The following PLCB4 variants were observed in gnomAD, a reference collection of about 807,000 sequenced individuals.
The protein encoded by PLCB4 is 1-phosphatidylinositol 4,5-bisphosphate phosphodiesterase beta-4.
PLCB4 carries 77 observed loss-of-function variants against 178.8 expected under a neutral mutation model. The ratio of observed to expected loss-of-function variants is 0.43; its 90% confidence interval spans 0.36 to 0.52. PLCB4 has a LOEUF of 0.52. Ranked by LOEUF, PLCB4 falls within the 20% of genes least tolerant of loss-of-function variation. PLCB4 has a pLI of 0.00. For synonymous variants in PLCB4, 496 were observed against 490.8 expected (o/e 1.01, Z -0.14); for missense variants, 1,024 against 1,453.4 (o/e 0.70, Z 4.80).
At chr20:9,417,636 T>C (rs1208147739) in intron 25 of PLCB4, among the ~76,000 whole-genome samples, 1 of 152,178 alleles carries the variant, frequency 6.6e-6, no homozygotes, top group African/African-American at 2.4e-5. Flanking sequence ...ATCTCTGGAT[T>C]ATTACAAATA....
intron 3 of PLCB4, among the ~76,000 whole-genome samples, chr20:9,263,259 T>C (rs1007933349): frequency 6.6e-6 from 1 of 152,144 alleles, no homozygotes; most frequent in African/African-American, 2.4e-5. Context: ...TGATAATACT[T>C]GTCAAGGAAG....
chr20:9,187,818 A>C (rs2147122045), intron 2 of PLCB4, among the ~76,000 whole-genome samples: 1 of 152,352 alleles, frequency 6.6e-6, no homozygotes, highest in East Asian at 1.9e-4. Context: ...GATTGAAAGA[A>C]GATTCAAGGG....
intron 3 of PLCB4, among the ~76,000 whole-genome samples, chr20:9,275,485 A>C (rs892849090): frequency 1.5e-4 from 23 of 152,032 alleles, no homozygotes; most frequent in Admixed American, 1.3e-3. Context: ...ATCAAATGGG[A>C]CGCTATTATT....
intron 2 of PLCB4, among the ~76,000 whole-genome samples, chr20:9,133,953 A>G (rs2092330715): frequency 6.6e-6 from 1 of 152,192 alleles, no homozygotes; most frequent in African/African-American, 2.4e-5. Flanking sequence ...TGTGAAGACA[A>G]AGCTTTGTGC....
At chr20:9,389,281 A>T (rs1006469640) in intron 15 of PLCB4, among the ~76,000 whole-genome samples, 2 of 152,152 alleles carry the variant, frequency 1.3e-5, no homozygotes. Flanking sequence ...TTTCACTTAC[A>T]TGTTGCTTGA....
chr20:9,181,809 T>C (rs1344092645), intron 2 of PLCB4, among the ~76,000 whole-genome samples: 2 of 152,202 alleles, frequency 1.3e-5, no homozygotes, highest in Non-Finnish European at 2.9e-5. Context: ...GTTCAGTCCC[T>C]AGCAATCTCA....
chr20:9,436,452 A>T (rs139813288), intron 29 of PLCB4, among the ~76,000 whole-genome samples: 312 of 152,318 alleles, frequency 2.0e-3, no homozygotes, highest in African/African-American at 7.3e-3. Flanking sequence ...TCTGGGCTCA[A>T]GCCATCCTTC....
intron 7 of PLCB4, among the ~76,000 whole-genome samples, chr20:9,350,198 C>A (rs546655610): frequency 1.3e-5 from 2 of 151,826 alleles, no homozygotes; most frequent in East Asian, 3.9e-4. Context: ...ACTATGTGTG[C>A]CCCTGAAGCC....
intron 7 of PLCB4, among the ~76,000 whole-genome samples, chr20:9,357,927 A>G (rs953408140): frequency 6.6e-6 from 1 of 152,218 alleles, no homozygotes; most frequent in Non-Finnish European, 1.5e-5. Context: ...TTTTAGACCT[A>G]TGATTCTCAA....
At chr20:9,328,939 A>G (rs1262309751) in intron 4 of PLCB4, among the ~76,000 whole-genome samples, 1 of 152,210 alleles carries the variant, frequency 6.6e-6, no homozygotes, top group Admixed American at 6.5e-5. Context: ...AGAAAGTTTA[A>G]TAAATGAACT....
intron 28 of PLCB4, among the ~76,000 whole-genome samples, chr20:9,430,582 A>T (rs2041327945): frequency 6.6e-6 from 1 of 152,236 alleles, no homozygotes; most frequent in African/African-American, 2.4e-5. Context: ...TGGTAATTCA[A>T]GATAGAGTTA....
At chr20:9,436,073 A>T (rs2041748415) in intron 29 of PLCB4, among the ~76,000 whole-genome samples, 1 of 152,234 alleles carries the variant, frequency 6.6e-6, no homozygotes, top group African/African-American at 2.4e-5. Flanking sequence ...ACTTTCTTTC[A>T]TGAACAAAAT....
At chr20:9,206,299 C>CTTTTTTTTTTTTTTTTTTTT (rs71184138) in intron 2 of PLCB4, among the ~76,000 whole-genome samples, 10 of 96,100 alleles carry the variant, frequency 1.0e-4, no homozygotes, top group Non-Finnish European at 1.4e-4. Context: ...TTTCTTTTTT[C>CTTTTTTTTTTTTTTTTTTTT]TTTTTTTTTT....
chr20:9,410,714 A>G (rs1405621731), intron 24 of PLCB4, among the ~76,000 whole-genome samples: 9 of 152,208 alleles, frequency 5.9e-5, no homozygotes, highest in Non-Finnish European at 1.5e-5. Context: ...CCTGAGACCC[A>G]TCCTCTCCCA....
intron 7 of PLCB4, among the ~76,000 whole-genome samples, chr20:9,343,156 G>T (rs926177538): frequency 1.3e-5 from 2 of 151,952 alleles, no homozygotes; most frequent in Non-Finnish European, 2.9e-5. Context: ...TGAGTTTCTA[G>T]TACAGAACTT....
chr20:9,161,629 T>C (rs2092889214), intron 2 of PLCB4, among the ~76,000 whole-genome samples: 1 of 152,252 alleles, frequency 6.6e-6, no homozygotes, highest in African/African-American at 2.4e-5. Context: ...TTTTATTGAC[T>C]CGAAGAGACA....
At chr20:9,338,191 T>A (rs1383166474) in intron 6 of PLCB4, 124 bp downstream of exon 6, 1 of 673,382 alleles carries the variant, frequency 1.5e-6, no homozygotes, top group Non-Finnish European at 2.7e-6. Flanking sequence ...GATCTCAGTT[T>A]TGAGAATAGC....
intron 7 of PLCB4, among the ~76,000 whole-genome samples, chr20:9,347,941 T>C (rs1439248967): frequency 6.6e-6 from 1 of 152,096 alleles, no homozygotes; most frequent in African/African-American, 2.4e-5. Context: ...GCCACTGCAC[T>C]CCAGCGTGGC....
chr20:9,477,532 A>G (rs2044629376), intron 39 of PLCB4, among the ~76,000 whole-genome samples: 1 of 152,178 alleles, frequency 6.6e-6, no homozygotes, highest in South Asian at 2.1e-4. Flanking sequence ...ACTTGGAAGT[A>G]TTTAATTTCC....
Sources: allele counts gnomAD v4.1 joint callset (sites outside exome capture counted in the v4.1 genomes callset), GRCh38; gene constraint gnomAD v4.1.1; transcripts MANE v1.5; gene names NCBI Gene and HGNC (gene_info 2026-07-23, HGNC 2026-07-21).